The following LRIG1 variants were observed in gnomAD, a reference collection of about 807,000 sequenced individuals.
The protein encoded by LRIG1 is leucine rich repeats and immunoglobulin like domains 1.
A neutral mutation model predicts 99.2 loss-of-function variants in LRIG1; 48 were observed. The ratio of observed to expected loss-of-function variants is 0.48; its 90% CI spans 0.38 to 0.62. LRIG1 has a LOEUF of 0.62. Among genes scored for constraint, LRIG1 ranks in the 20% least tolerant of loss-of-function variants. The pLI is 0.00. For missense variants in LRIG1, 1,646 were observed against 1,434.4 expected, an observed-to-expected ratio of 1.15 and a Z score of -2.38; for synonymous variants, 772 against 596.1, an observed-to-expected ratio of 1.29 and a Z score of -4.30.
intron 17 of LRIG1, chr3:66,381,098 T>A (rs1161605418): frequency 5.1e-6 from 3 of 592,468 alleles, no homozygotes; most frequent in Non-Finnish European, 9.0e-6. Flanking sequence ...CAATGTAGTC[T>A]TACTGCTTCA....
At chr3:66,404,129 C>A in intron 9 of LRIG1, 3 of 632,352 alleles carry the variant, frequency 4.7e-6, no homozygotes, top group South Asian at 4.6e-5. Context: ...TTCAGACAGC[C>A]AACAGAGCTT....
At chr3:66,404,929 G>A (rs1173200805) in intron 9 of LRIG1, among the ~76,000 whole-genome samples, 1 of 152,174 alleles carries the variant, frequency 6.6e-6, no homozygotes, top group Non-Finnish European at 1.5e-5. Context: ...TGAGTTGTGA[G>A]TGAAGCCCAA....
intron 4 of LRIG1, 119 bp downstream of exon 4, chr3:66,417,010 C>A: frequency 1.5e-6 from 2 of 1,376,946 alleles, no homozygotes; most frequent in East Asian, 4.6e-5. Context: ...TGACTCGGCC[C>A]AGCCGTGGTT....
At chr3:66,483,496 T>C (rs1347951046) in intron 1 of LRIG1, among the ~76,000 whole-genome samples, 1 of 152,230 alleles carries the variant, frequency 6.6e-6, no homozygotes, top group Non-Finnish European at 1.5e-5. Flanking sequence ...CTCCCTCTGG[T>C]CAAGGAAAGC....
At chr3:66,393,951 G>A in intron 12 of LRIG1, 89 bp downstream of exon 12, 1 of 1,405,772 alleles carries the variant, frequency 7.1e-7, no homozygotes, top group Non-Finnish European at 9.9e-7. Context: ...GGTTTACTCT[G>A]ATCACAGGAA....
intron 3 of LRIG1, among the ~76,000 whole-genome samples, chr3:66,426,714 G>A (rs966311392): frequency 6.6e-6 from 1 of 152,136 alleles, no homozygotes; most frequent in Non-Finnish European, 1.5e-5. Context: ...GAAGATAGAT[G>A]GGCAAACAGG....
chr3:66,488,241 G>A (rs924692888), intron 1 of LRIG1, among the ~76,000 whole-genome samples: 1 of 152,104 alleles, frequency 6.6e-6, no homozygotes. Context: ...TTCAAAAACA[G>A]TGTAACTAAG....
Position 66,449,959 on chromosome 3 carries a change from C to T in LRIG1, c.365+1600G>A, listed in dbSNP as rs118018864. Among the ~76,000 whole-genome samples, 348 of 152,338 alleles carry T rather than the reference C, an allele frequency of 2.3e-3. 7 individuals are homozygous for T. In the East Asian group the frequency reaches 0.05, roughly 22 times the overall value. On this transcript the variant is annotated intron_variant, in intron 3 of 18. Coordinates refer to ENST00000273261, the MANE Select transcript of LRIG1 (RefSeq NM_015541.3). ...GCATTTCTAACAAGCTCGAAGCTAA[C>T]TCAATACTGATGGTCCATGACCTGT... is the stretch of plus-strand genomic sequence containing the variant.
chr3:66,403,717 C>A (rs1346033097), intron 9 of LRIG1, among the ~76,000 whole-genome samples: 1 of 152,236 alleles, frequency 6.6e-6, no homozygotes, highest in Non-Finnish European at 1.5e-5. Context: ...TGTATTGAGA[C>A]AGAGCCTCCT....
intron 12 of LRIG1, chr3:66,386,578 G>A (rs139257970): frequency 6.7e-5 from 26 of 390,428 alleles, no homozygotes; most frequent in East Asian, 1.4e-4. Flanking sequence ...CCAGCCAGCC[G>A]GCAGTTTCCT....
At chr3:66,446,110 C>T (rs1378050664) in intron 3 of LRIG1, among the ~76,000 whole-genome samples, 2 of 152,170 alleles carry the variant, frequency 1.3e-5, no homozygotes, top group African/African-American at 4.8e-5. Context: ...ATTGATTTCG[C>T]CCCTCTTTTT....
At chr3:66,491,622 C>T (rs1267209718) in intron 1 of LRIG1, among the ~76,000 whole-genome samples, 1 of 152,026 alleles carries the variant, frequency 6.6e-6, no homozygotes, top group African/African-American at 2.4e-5. Context: ...TTTCTTAAAA[C>T]CACCCTACAG....
intron 11 of LRIG1, among the ~76,000 whole-genome samples, chr3:66,394,580 C>T (rs1701769154): frequency 6.6e-6 from 1 of 152,132 alleles, no homozygotes; most frequent in Admixed American, 6.5e-5. Context: ...GCCTTCTGAC[C>T]TCTCCTGACC....
intron 1 of LRIG1, among the ~76,000 whole-genome samples, chr3:66,483,731 A>G (rs527538635): frequency 6.6e-4 from 100 of 152,188 alleles, no homozygotes; most frequent in Non-Finnish European, 1.1e-3. Flanking sequence ...AACTCTGGAA[A>G]AGCAGGCTCC....
At chr3:66,386,920 C>T (rs1411102166) in intron 12 of LRIG1, 1 of 151,978 alleles carries the variant, frequency 6.6e-6, no homozygotes, top group Non-Finnish European at 1.5e-5. Flanking sequence ...CCCTCCCCAG[C>T]TCCATGGTAG....
At chr3:66,426,055 G>C (rs1173585429) in intron 3 of LRIG1, among the ~76,000 whole-genome samples, 1 of 152,204 alleles carries the variant, frequency 6.6e-6, no homozygotes, top group Non-Finnish European at 1.5e-5. Context: ...AAGATCTCAT[G>C]TCACAGATAA....
chr3:66,459,956 C>G (rs1700318743), intron 2 of LRIG1, among the ~76,000 whole-genome samples: 1 of 152,150 alleles, frequency 6.6e-6, no homozygotes, highest in African/African-American at 2.4e-5. Context: ...CTATCTTGAT[C>G]TAAGCTTTTT....
intron 3 of LRIG1, among the ~76,000 whole-genome samples, chr3:66,433,403 A>G (rs1025551996): frequency 1.3e-5 from 2 of 152,176 alleles, no homozygotes; most frequent in African/African-American, 4.8e-5. Flanking sequence ...GAGGTTACAC[A>G]TGGGCCCCTC....
chr3:66,385,881 T>TC, intron 13 of LRIG1, 100 bp downstream of exon 13: 1 of 1,083,180 alleles, frequency 9.2e-7, no homozygotes, highest in African/African-American at 1.6e-5. Context: ...GAAGCATGTG[T>TC]GTGTCCTGTC....
Sources: gnomAD v4.1 joint callset for allele counts (sites outside exome capture counted in the v4.1 genomes callset) on GRCh38, gnomAD v4.1.1 for gene constraint, MANE v1.5 for transcripts, NCBI Gene and HGNC (gene_info 2026-07-23, HGNC 2026-07-21) for gene names.